The following CFAP52 variants were observed in gnomAD, a reference collection of about 807,000 sequenced individuals.
The protein encoded by CFAP52 is cilia- and flagella-associated protein 52.
A neutral mutation model predicts 70.5 loss-of-function variants in CFAP52; 57 were observed. The observed-to-expected ratio is 0.81, with a 90% CI of 0.65 to 1.01. The LOEUF is 1.01. CFAP52 is among the 50% of genes least tolerant of loss of function. The probability of loss-of-function intolerance (pLI) is 0.00; values close to 1 mark genes in which losing one functional copy is unlikely to be tolerated. For synonymous variants in CFAP52, 267 were observed against 292.5 expected (o/e 0.91, Z 0.89); for missense variants, 785 against 788.5 (o/e 1.00, Z 0.05).
chr17:9,644,303 C>T (rs1911221355), downstream of CFAP52, among the ~76,000 whole-genome samples: 1 of 151,988 alleles, frequency 6.6e-6, no homozygotes, highest in Non-Finnish European at 1.5e-5. Flanking sequence ...CGGGGTTTCA[C>T]CATGTTGGCC....
At chr17:9,610,539 T>TTG (rs1487277112) in intron 7 of CFAP52, among the ~76,000 whole-genome samples, 1 of 151,956 alleles carries the variant, frequency 6.6e-6, no homozygotes, top group African/African-American at 2.4e-5. Context: ...CCATTTTTTT[T>TTG]TTTTGTTTGT....
intron 8 of CFAP52, among the ~76,000 whole-genome samples, chr17:9,616,696 C>A (rs1378937396): frequency 6.7e-6 from 1 of 149,356 alleles, no homozygotes; most frequent in East Asian, 2.0e-4. Context: ...TGACCCCTGA[C>A]CCCCGGGCAG....
chr17:9,577,106 C>T (rs1234150071), intron 1 of CFAP52, among the ~76,000 whole-genome samples: 4 of 152,166 alleles, frequency 2.6e-5, no homozygotes, highest in East Asian at 1.9e-4. Flanking sequence ...TGGCTCTGAA[C>T]CCCACGCCGC....
At chr17:9,596,059 G>GTATA (rs796314327) in intron 4 of CFAP52, among the ~76,000 whole-genome samples, 58 of 85,186 alleles carry the variant, frequency 6.8e-4, no homozygotes, top group African/African-American at 1.8e-3. Context: ...ATATGTGTGT[G>GTATA]TATATATATA....
chr17:9,638,768 C>T lies in CFAP52; in HGVS notation c.1575+57C>T, dbSNP rs182560715. On this transcript the variant is annotated intron_variant, in intron 12 of 13. Coordinates refer to ENST00000352665, the MANE Select transcript of CFAP52 (RefSeq NM_145054.5). Reference sequence around the variant, plus strand: ...CCAGCGCAAGAGAAAAGCAGTGAGGCGTTGTGGTGGAGGGTGCGGGCTCTG... The same window carrying T: ...CCAGCGCAAGAGAAAAGCAGTGAGGTGTTGTGGTGGAGGGTGCGGGCTCTG... 71 of 1,561,294 alleles carry T rather than the reference C, an allele frequency of 4.5e-5. No individual in the cohort carries two copies. The East Asian group carries it at 1.5e-3, about 32-fold the overall frequency.
downstream of CFAP52, chr17:9,645,551 T>G (rs995248125): frequency 5.3e-6 from 6 of 1,138,146 alleles, no homozygotes; most frequent in African/African-American, 6.5e-5. This position sits in a 1 kb window ranked among gnomAD's most constrained non-coding sequence, Gnocchi z 6.8. Flanking sequence ...ACCAGGAGCC[T>G]TAGAGAAGCT....
At chr17:9,584,979 C>A (rs918149608) in intron 1 of CFAP52, among the ~76,000 whole-genome samples, 1 of 152,102 alleles carries the variant, frequency 6.6e-6, no homozygotes, top group Non-Finnish European at 1.5e-5. Flanking sequence ...TTTGTAAAGA[C>A]ATGGATTAAC....
chr17:9,582,794 G>A (rs780675059), intron 1 of CFAP52, among the ~76,000 whole-genome samples: 1 of 152,084 alleles, frequency 6.6e-6, no homozygotes, highest in African/African-American at 2.4e-5. Context: ...CCACCACTAC[G>A]CCCAGCTAAT....
rs545122464 is a variant in CFAP52, at chr17:9,640,154, C to T, written c.1575+1443C>T. Among the ~76,000 whole-genome samples the T allele has an allele frequency of 4.0e-5, 6 of 151,790 alleles. No individual in the cohort carries two copies. The East Asian group carries it at 7.7e-4, about 20-fold the overall frequency. On this transcript the variant is annotated intron_variant, in intron 12 of 13. Transcript: ENST00000352665. ...GAGTGACTGGAACACAGCACGTTTC[C>T]GACATGAAACAATGAGAAACAAATG...
intron 1 of CFAP52, chr17:9,584,080 T>C (rs1201573492): frequency 1.9e-6 from 1 of 540,090 alleles, no homozygotes; most frequent in Non-Finnish European, 2.5e-6. Flanking sequence ...TTAGTCAATA[T>C]GTTGGGGCCT....
Position 9,600,242 on chromosome 17 carries a change from C to A in CFAP52, c.753+59C>A, listed in dbSNP as rs1039878324. ...TTTCTCCCTTCACTGGCAGCATGTACTTTTTTTTTTCCTTTTTGAGATGCA... is the reference window on the plus strand; with the variant it reads ...TTTCTCCCTTCACTGGCAGCATGTAATTTTTTTTTTCCTTTTTGAGATGCA... On this transcript the variant is annotated intron_variant, in intron 6 of 13. Transcript: ENST00000352665. 38 of 1,311,732 alleles carry A rather than the reference C, an allele frequency of 2.9e-5. 2 individuals carry two copies. Among genetic ancestry groups the A allele is most frequent in the South Asian group, 2.4e-4 (19 of 77,572 alleles). The allele number at this position is 1,311,732 out of a possible 1,614,324, so 81.3% of individuals were successfully genotyped here. A position where few individuals can be genotyped will look rare whatever the true frequency, so the allele number is the denominator to read the frequency against.
intron 1 of CFAP52, among the ~76,000 whole-genome samples, chr17:9,583,038 G>A (rs904637626): frequency 1.3e-5 from 2 of 152,046 alleles, no homozygotes; most frequent in Admixed American, 6.6e-5. Flanking sequence ...TCTTACTTTT[G>A]TACACACTGT....
intron 11 of CFAP52, among the ~76,000 whole-genome samples, chr17:9,636,209 A>AAGAAAGAC (rs1910785397): frequency 1.4e-5 from 2 of 142,602 alleles, no homozygotes; most frequent in Admixed American, 1.4e-4. Flanking sequence ...GAAAGAAAGA[A>AAGAAAGAC]AGAAAGAAAG....
intron 1 of CFAP52, 106 bp downstream of exon 1, chr17:9,576,871 C>A: frequency 8.1e-7 from 1 of 1,239,394 alleles, no homozygotes. Flanking sequence ...CAGTGTGGGA[C>A]AACGGCAGGA....
intron 10 of CFAP52, among the ~76,000 whole-genome samples, chr17:9,634,543 CCATTG>C (rs111670697): frequency 0.048 from 7,288 of 151,904 alleles, 490 homozygotes; most frequent in African/African-American, 0.16. Flanking sequence ...CGAGACCACG[CCATTG>C]CATTGCACTC....
At chr17:9,596,059 GTATATATATATATATATATATATATATA>G (rs796314327) in intron 4 of CFAP52, among the ~76,000 whole-genome samples, 1 of 85,206 alleles carries the variant, frequency 1.2e-5, no homozygotes, top group African/African-American at 4.5e-5. Context: ...ATATGTGTGT[GTATATATATATATATATATATATATATA>G]TATATATATA....
chr17:9,613,004 A>C (rs1255693522), intron 8 of CFAP52, among the ~76,000 whole-genome samples: 2 of 152,160 alleles, frequency 1.3e-5, no homozygotes, highest in African/African-American at 2.4e-5. Flanking sequence ...GGGTATGTTT[A>C]AGGTAGGCTG....
At chr17:9,642,444 T>G (rs1311533905) in intron 13 of CFAP52, among the ~76,000 whole-genome samples, 1 of 152,008 alleles carries the variant, frequency 6.6e-6, no homozygotes, top group Non-Finnish European at 1.5e-5. Context: ...GCCAACATGG[T>G]GAAACCCTGT....
chr17:9,577,314 A>G (rs537491697), intron 1 of CFAP52, among the ~76,000 whole-genome samples: 1 of 152,268 alleles, frequency 6.6e-6, no homozygotes, highest in African/African-American at 2.4e-5. Context: ...AATGATGAGG[A>G]TTTCAGACCA....
Sources: allele counts gnomAD v4.1 joint callset (sites outside exome capture counted in the v4.1 genomes callset), GRCh38; gene constraint gnomAD v4.1.1; non-coding constraint Gnocchi (gnomAD v3.1); transcripts MANE v1.5; gene names NCBI Gene and HGNC (gene_info 2026-07-23, HGNC 2026-07-21).